The following COLEC10 variants were observed in gnomAD, a reference collection of about 807,000 sequenced individuals.
The protein encoded by COLEC10 is collectin-10.
Under a neutral mutation model 28.4 loss-of-function variants are expected in COLEC10, and 22 were observed. That is an observed-to-expected ratio of 0.78 (90% CI 0.55 to 1.11). The LOEUF (loss-of-function observed/expected upper bound fraction) is 1.11, where lower values mean the gene tolerates loss of function less well. Ranked by LOEUF, COLEC10 falls within the 50% of genes least tolerant of loss-of-function variation. The probability of loss-of-function intolerance (pLI) is 0.00; values close to 1 mark genes in which losing one functional copy is unlikely to be tolerated. For synonymous variants in COLEC10, 125 were observed against 116.1 expected, an observed-to-expected ratio of 1.08 and a Z score of -0.49; for missense variants, 361 against 344.1, an observed-to-expected ratio of 1.05 and a Z score of -0.39.
chr8:119,095,476 A>G (rs999610930), intron 3 of COLEC10, among the ~76,000 whole-genome samples: 1 of 152,100 alleles, frequency 6.6e-6, no homozygotes, highest in Non-Finnish European at 1.5e-5. Context: ...GCCGAGGTGG[A>G]TGGATCACCT....
chr8:118,979,154 A>G, the COLEC10 span, among the ~76,000 whole-genome samples: 1 of 151,934 alleles, frequency 6.6e-6, no homozygotes, highest in Non-Finnish European at 1.5e-5. Context: ...TTTGAAATGC[A>G]TTTTATTATA....
At chr8:119,035,397 G>T (rs1814372392) in intron 2 of COLEC10, among the ~76,000 whole-genome samples, 1 of 152,158 alleles carries the variant, frequency 6.6e-6, no homozygotes, top group Admixed American at 6.5e-5. Context: ...AATATACTTT[G>T]CCCAAAAATG....
chr8:119,010,785 G>T lies in COLEC10; in HGVS notation n.235+1232G>T, dbSNP rs369190016. On this transcript the variant is annotated intron_variant and non_coding_transcript_variant, in intron 2 of 6. Transcript: ENST00000521788. ...AGAACACCTTTTCATATGGTAATTT[G>T]CCATCTGCGCATCTTTAGTGAGGTG... is the stretch of plus-strand genomic sequence containing the variant. Among the ~76,000 whole-genome samples, 69 of 150,938 alleles carry T rather than the reference G, an allele frequency of 4.6e-4. 4 individuals carry two copies. Among genetic ancestry groups the T allele is most frequent in the African/African-American group, 1.6e-3 (64 of 40,410 alleles).
chr8:118,986,822 T>A, the COLEC10 span, among the ~76,000 whole-genome samples: 502 of 152,244 alleles, frequency 3.3e-3, 2 homozygotes, highest in African/African-American at 0.011. Flanking sequence ...TCAATGTACA[T>A]GAAATACCTA....
the COLEC10 span, among the ~76,000 whole-genome samples, chr8:118,972,234 A>G: frequency 6.6e-6 from 1 of 151,850 alleles, no homozygotes; most frequent in Admixed American, 6.6e-5. Flanking sequence ...CTTCATTTCC[A>G]CCAGCCCAGG....
At chr8:119,084,170 G>A (rs887400360) in intron 1 of COLEC10, among the ~76,000 whole-genome samples, 1 of 152,094 alleles carries the variant, frequency 6.6e-6, no homozygotes, top group African/African-American at 2.4e-5. Context: ...CCCCAGGATG[G>A]GAGACTCTAG....
chr8:119,062,794 G>T (rs571014377), upstream of COLEC10: 9 of 152,138 alleles, frequency 5.9e-5, no homozygotes, highest in Admixed American at 2.0e-4. Flanking sequence ...TTTTTTAAAT[G>T]CGGTTTTAAA....
intron 3 of COLEC10, among the ~76,000 whole-genome samples, chr8:119,101,364 T>C (rs571621799): frequency 6.6e-6 from 1 of 152,322 alleles, no homozygotes; most frequent in Non-Finnish European, 1.5e-5. Context: ...CTCAAGAACC[T>C]CAGCCAAACA....
chr8:118,978,189 T>G, the COLEC10 span, among the ~76,000 whole-genome samples: 1 of 152,170 alleles, frequency 6.6e-6, no homozygotes, highest in Non-Finnish European at 1.5e-5. Flanking sequence ...TTTTAACTTC[T>G]GATTTCATAA....
the COLEC10 span, among the ~76,000 whole-genome samples, chr8:118,961,716 C>T: frequency 7.2e-5 from 11 of 152,238 alleles, no homozygotes; most frequent in Admixed American, 1.3e-4. Flanking sequence ...TTGGCTTTGG[C>T]GCCTGGGTGG....
chr8:118,956,572 G>A, the COLEC10 span, among the ~76,000 whole-genome samples: 1 of 152,102 alleles, frequency 6.6e-6, no homozygotes, highest in African/African-American at 2.4e-5. Flanking sequence ...ACTTCAACTG[G>A]AGTTTCCAGA....
At chr8:119,052,132 T>A (rs1182599498) in intron 2 of COLEC10, among the ~76,000 whole-genome samples, 1 of 152,202 alleles carries the variant, frequency 6.6e-6, no homozygotes, top group Non-Finnish European at 1.5e-5. Flanking sequence ...TACAAGATTA[T>A]TAAAAATATC....
chr8:119,071,289 T>G (rs1815119693), intron 1 of COLEC10, among the ~76,000 whole-genome samples: 1 of 152,230 alleles, frequency 6.6e-6, no homozygotes, highest in Admixed American at 6.5e-5. Flanking sequence ...CTTATTTTGA[T>G]GTTTGCTAGC....
chr8:119,019,285 C>T (rs116486328), intron 2 of COLEC10, among the ~76,000 whole-genome samples: 2,557 of 152,206 alleles, frequency 0.017, 30 homozygotes, highest in Middle Eastern at 0.031. Flanking sequence ...AGGAGAATAC[C>T]GGAAAACTGG....
intron 2 of COLEC10, among the ~76,000 whole-genome samples, chr8:119,042,984 CTGTT>C (rs571433568): frequency 5.2e-4 from 79 of 152,310 alleles, no homozygotes; most frequent in South Asian, 4.1e-4. Flanking sequence ...AAAACCATCT[CTGTT>C]TGTGTTTGTC....
the COLEC10 span, among the ~76,000 whole-genome samples, chr8:118,988,180 G>T: frequency 6.6e-6 from 1 of 152,074 alleles, no homozygotes; most frequent in African/African-American, 2.4e-5. Flanking sequence ...AAACTATTAG[G>T]GACCCCAATC....
intron 1 of COLEC10, among the ~76,000 whole-genome samples, chr8:119,005,094 G>A (rs996009428): frequency 2.6e-5 from 4 of 151,956 alleles, no homozygotes; most frequent in African/African-American, 7.2e-5. Flanking sequence ...AAGATCCTTG[G>A]GTTCAGGTCT....
At chr8:119,076,643 T>G (rs967486849) in intron 1 of COLEC10, among the ~76,000 whole-genome samples, 2 of 152,242 alleles carry the variant, frequency 1.3e-5, no homozygotes, top group Admixed American at 1.3e-4. Context: ...ATTTATTTGA[T>G]GCTGCCCAGG....
upstream of COLEC10, among the ~76,000 whole-genome samples, chr8:119,062,375 A>G (rs1490752063): frequency 6.6e-6 from 1 of 152,218 alleles, no homozygotes; most frequent in African/African-American, 2.4e-5. Context: ...ACAAGACTCA[A>G]GAGTGGAGAA....
Sources: gnomAD v4.1 joint callset for allele counts (sites outside exome capture counted in the v4.1 genomes callset) on GRCh38, gnomAD v4.1.1 for gene constraint, MANE v1.5 for transcripts, NCBI Gene and HGNC (gene_info 2026-07-23, HGNC 2026-07-21) for gene names.